The following TUSC3 variants were observed in gnomAD, a reference collection of about 807,000 sequenced individuals.
TUSC3 encodes tumor suppressor candidate 3, also known as dolichyl-diphosphooligosaccharide--protein glycosyltransferase subunit TUSC3.
Under a neutral mutation model 44.8 loss-of-function variants are expected in TUSC3, and 45 were observed. That is an observed-to-expected ratio of 1.00 (90% CI 0.79 to 1.29). The LOEUF (loss-of-function observed/expected upper bound fraction) is 1.29. Among genes scored for constraint, TUSC3 ranks in the 50% most tolerant of loss-of-function variants. The pLI is 0.00. For synonymous variants in TUSC3, 212 were observed against 152.9 expected, an observed-to-expected ratio of 1.39 and a Z score of -2.85; for missense variants, 519 against 437.9, an observed-to-expected ratio of 1.19 and a Z score of -1.65.
chr8:15,626,562 T>C (rs1805518607), intron 2 of TUSC3, among the ~76,000 whole-genome samples: 2 of 152,178 alleles, frequency 1.3e-5, no homozygotes, highest in Admixed American at 1.3e-4. Flanking sequence ...GCTGCAACTG[T>C]CCACCTGCGA....
chr8:15,767,174 T>C (rs1252968991), downstream of TUSC3, among the ~76,000 whole-genome samples: 1 of 152,126 alleles, frequency 6.6e-6, no homozygotes, highest in South Asian at 2.1e-4. Context: ...GATGATATAA[T>C]TCACGAGCAT....
intron 2 of TUSC3, among the ~76,000 whole-genome samples, chr8:15,531,047 A>G (rs1801442033): frequency 1.3e-5 from 2 of 152,124 alleles, no homozygotes; most frequent in African/African-American, 4.8e-5. Flanking sequence ...CAGTAAACAC[A>G]CTGTGTGTGC....
chr8:15,489,582 G>T (rs1488055159), intron 2 of TUSC3, among the ~76,000 whole-genome samples: 1 of 152,134 alleles, frequency 6.6e-6, no homozygotes, highest in Non-Finnish European at 1.5e-5. Flanking sequence ...TTACGTTTTG[G>T]GGTGAGATAT....
chr8:15,750,884 T>G (rs1252136255), intron 9 of TUSC3, among the ~76,000 whole-genome samples: 1 of 152,078 alleles, frequency 6.6e-6, no homozygotes, highest in Non-Finnish European at 1.5e-5. Context: ...TGGAAATTAT[T>G]TTTTAGAGTG....
the TUSC3 span, among the ~76,000 whole-genome samples, chr8:15,818,714 G>A: frequency 6.6e-6 from 1 of 152,274 alleles, no homozygotes; most frequent in Non-Finnish European, 1.5e-5. Context: ...ATGACTGGGA[G>A]GTATGCTTCA....
intron 1 of TUSC3, among the ~76,000 whole-genome samples, chr8:15,616,209 C>T (rs74679742): frequency 1.3e-5 from 2 of 152,028 alleles, no homozygotes; most frequent in African/African-American, 4.8e-5. Context: ...GGACTAATTT[C>T]TGTTTTAGAA....
intron 2 of TUSC3, among the ~76,000 whole-genome samples, chr8:15,520,092 T>A (rs1309033140): frequency 1.3e-5 from 2 of 152,180 alleles, no homozygotes; most frequent in Non-Finnish European, 2.9e-5. Context: ...AATTCCCCTT[T>A]CATCCTGTTA....
chr8:15,471,816 C>T (rs1490251975), intron 1 of TUSC3, among the ~76,000 whole-genome samples: 2 of 152,028 alleles, frequency 1.3e-5, no homozygotes, highest in African/African-American at 4.8e-5. Context: ...CAGGGTTTTG[C>T]CACGTTGGCC....
intron 1 of TUSC3, among the ~76,000 whole-genome samples, chr8:15,597,662 T>G (rs1304425389): frequency 6.6e-6 from 1 of 152,112 alleles, no homozygotes; most frequent in Non-Finnish European, 1.5e-5. Flanking sequence ...ACATTGATAT[T>G]AGATTGACAG....
At chr8:15,464,105 AG>A (rs1800383985) in intron 1 of TUSC3, among the ~76,000 whole-genome samples, 1 of 152,206 alleles carries the variant, frequency 6.6e-6, no homozygotes, top group Admixed American at 6.5e-5. Context: ...AGTCAACTGG[AG>A]CATGGCAAAT....
intron 1 of TUSC3, among the ~76,000 whole-genome samples, chr8:15,578,786 T>G (rs1020180229): frequency 5.3e-5 from 8 of 152,250 alleles, no homozygotes; most frequent in African/African-American, 1.7e-4. Flanking sequence ...CTTTTTTTGT[T>G]GTGTCTCTGC....
intron 10 of TUSC3, chr8:15,758,296 C>CT: frequency 1.0e-6 from 1 of 965,384 alleles, no homozygotes; most frequent in Non-Finnish European, 1.2e-6. Flanking sequence ...TTACTGAAAA[C>CT]TTTTTTAAAA....
intron 6 of TUSC3, among the ~76,000 whole-genome samples, chr8:15,675,016 C>T (rs1418780282): frequency 6.6e-6 from 1 of 151,954 alleles, no homozygotes; most frequent in East Asian, 1.9e-4. Context: ...CTCTGTCTCC[C>T]TCTCCTGTTT....
intron 2 of TUSC3, among the ~76,000 whole-genome samples, chr8:15,530,179 T>A (rs528825799): frequency 6.6e-6 from 1 of 152,174 alleles, no homozygotes; most frequent in Non-Finnish European, 1.5e-5. Flanking sequence ...TGGTAGTCTG[T>A]TGTCCACACA....
chr8:15,548,393 A>T (rs190105967), intron 1 of TUSC3, among the ~76,000 whole-genome samples: 1 of 151,992 alleles, frequency 6.6e-6, no homozygotes, highest in East Asian at 1.9e-4. Flanking sequence ...AGTATATGAT[A>T]CAGTTGTACA....
At chr8:15,470,357 T>C (rs936637185) in intron 1 of TUSC3, among the ~76,000 whole-genome samples, 1 of 152,010 alleles carries the variant, frequency 6.6e-6, no homozygotes, top group African/African-American at 2.4e-5. Flanking sequence ...CTAACGTTCA[T>C]GATATAATAG....
chr8:15,742,425 G>C (rs1263726695), intron 7 of TUSC3, among the ~76,000 whole-genome samples: 1 of 152,014 alleles, frequency 6.6e-6, no homozygotes, highest in East Asian at 1.9e-4. Context: ...TGGATAATAT[G>C]GTCATGAAGA....
At chr8:15,636,329 A>G (rs1806073514) in intron 2 of TUSC3, among the ~76,000 whole-genome samples, 1 of 152,122 alleles carries the variant, frequency 6.6e-6, no homozygotes, top group African/African-American at 2.4e-5. Context: ...AGTTTGCTAC[A>G]AGAGATAGCT....
At chr8:15,693,441 CTTTTTTT>C (rs35915071) in intron 6 of TUSC3, among the ~76,000 whole-genome samples, 2 of 96,896 alleles carry the variant, frequency 2.1e-5, no homozygotes, top group South Asian at 4.1e-4. Flanking sequence ...GTTGGAAGTT[CTTTTTTT>C]TTTTTTTTTT....
Sources: gnomAD v4.1 joint callset for allele counts (sites outside exome capture counted in the v4.1 genomes callset) on GRCh38, gnomAD v4.1.1 for gene constraint, MANE v1.5 for transcripts, NCBI Gene and HGNC (gene_info 2026-07-23, HGNC 2026-07-21) for gene names.